Variants in NUMB observed in about 807,000 individuals in gnomAD.
NUMB encodes protein numb homolog.
NUMB carries 29 observed loss-of-function variants against 59.7 expected under a neutral mutation model. That is an observed-to-expected ratio of 0.49 (90% CI 0.36 to 0.66). The LOEUF is 0.66. NUMB is among the 30% of genes least tolerant of loss of function. The pLI is 0.00. For synonymous variants in NUMB, 288 were observed against 288.2 expected (o/e 1.00, Z 0.01); for missense variants, 723 against 822.0 (o/e 0.88, Z 1.47).
At chr14:73,350,262 C>T (rs1045963587) in intron 4 of NUMB, among the ~76,000 whole-genome samples, 2 of 150,986 alleles carry the variant, frequency 1.3e-5, no homozygotes, top group Non-Finnish European at 3.0e-5. Context: ...CAACCTCTGC[C>T]TCCCGGGTTC....
At chr14:73,434,622 C>G (rs1184679391) in intron 1 of NUMB, among the ~76,000 whole-genome samples, 1 of 152,044 alleles carries the variant, frequency 6.6e-6, no homozygotes, top group Non-Finnish European at 1.5e-5. Context: ...TCCCAGCACT[C>G]TGGGAGGATG....
chr14:73,336,255 C>T (rs1254069422), intron 4 of NUMB, among the ~76,000 whole-genome samples: 1 of 152,194 alleles, frequency 6.6e-6, no homozygotes, highest in Non-Finnish European at 1.5e-5. Context: ...TTACAGTTTA[C>T]TGTTATTACA....
At chr14:73,368,107 T>C (rs1020495619) in intron 2 of NUMB, among the ~76,000 whole-genome samples, 1 of 150,746 alleles carries the variant, frequency 6.6e-6, no homozygotes, top group Non-Finnish European at 1.5e-5. Flanking sequence ...CCAAAGAAAA[T>C]ATGTGGCTGG....
intron 1 of NUMB, among the ~76,000 whole-genome samples, chr14:73,413,918 T>A (rs1897008982): frequency 6.6e-6 from 1 of 152,086 alleles, no homozygotes; most frequent in Non-Finnish European, 1.5e-5. Flanking sequence ...CACACCTGAA[T>A]TTTACTGTTT....
chr14:73,436,989 G>GA (rs1898081379), intron 1 of NUMB, among the ~76,000 whole-genome samples: 3 of 127,818 alleles, frequency 2.3e-5, no homozygotes, highest in Admixed American at 7.8e-5. Context: ...AAAAAATAAA[G>GA]AAAAAAAAAG....
chr14:73,451,058 G>T (rs1883901218), intron 1 of NUMB, among the ~76,000 whole-genome samples: 1 of 146,816 alleles, frequency 6.8e-6, no homozygotes, highest in Non-Finnish European at 1.5e-5. Context: ...AGAGGCTGAG[G>T]CAGGAGAATT....
chr14:73,451,860 A>C (rs1884002456), intron 1 of NUMB, among the ~76,000 whole-genome samples: 2 of 152,172 alleles, frequency 1.3e-5, no homozygotes, highest in South Asian at 4.1e-4. Context: ...TTAAACTAGA[A>C]ATGTTCCAAA....
intron 1 of NUMB, among the ~76,000 whole-genome samples, chr14:73,428,455 T>C (rs1897679326): frequency 6.6e-6 from 1 of 152,122 alleles, no homozygotes; most frequent in Admixed American, 6.6e-5. Context: ...ACTCTACCAG[T>C]GAGGTCCACC....
intron 4 of NUMB, among the ~76,000 whole-genome samples, chr14:73,354,940 A>T (rs945019587): frequency 6.6e-6 from 1 of 151,406 alleles, no homozygotes; most frequent in Admixed American, 6.6e-5. Flanking sequence ...GTCTAGTTCT[A>T]TTTTTTTGCC....
Position 73,277,085 on chromosome 14 carries a change from T to A in NUMB, c.1449A>T (p.Gln483His). 1 of 1,614,042 alleles carries A rather than the reference T, an allele frequency of 6.2e-7. No homozygotes were observed. Among genetic ancestry groups the A allele is most frequent in the South Asian group, 1.1e-5 (1 of 91,078 alleles). Residue 483 changes from glutamine to histidine, a missense_variant, in exon 13 of 13, where the codon CAA (glutamine) becomes CAT (histidine). This residue lies in a region of NUMB where 406 missense variants were observed against 385.4 expected (regional missense o/e 1.05). Transcript: ENST00000555238. ...GCTGAGAGGTGAGGAATGCATTCCC[T>A]TGGAAAGGTGATGCTGGCTGGGAGA... ...TAISQPASPF[Q>H]GNAFLTSQPV...
chr14:73,345,779 G>A (rs1360816279), intron 4 of NUMB, among the ~76,000 whole-genome samples: 3 of 151,688 alleles, frequency 2.0e-5, no homozygotes, highest in Admixed American at 2.0e-4. Flanking sequence ...GTGGTGGCAG[G>A]CACCTGTAAT....
intron 1 of NUMB, among the ~76,000 whole-genome samples, chr14:73,447,650 G>T (rs1443484761): frequency 6.8e-6 from 1 of 146,454 alleles, no homozygotes; most frequent in East Asian, 2.0e-4. Context: ...ACAAACCTGC[G>T]CAACATAGAA....
chr14:73,298,432 G>GA (rs1368015876), intron 6 of NUMB: 2 of 152,068 alleles, frequency 1.3e-5, no homozygotes, highest in Non-Finnish European at 2.9e-5. Flanking sequence ...AAAAACTACT[G>GA]AAAAAATAAT....
At chr14:73,310,669 G>C (rs1039258331) in intron 6 of NUMB, among the ~76,000 whole-genome samples, 2 of 152,174 alleles carry the variant, frequency 1.3e-5, no homozygotes, top group Admixed American at 1.3e-4. Context: ...GTAAAATGCA[G>C]TTTCATGAAC....
At chr14:73,306,747 C>T (rs1890456756) in intron 6 of NUMB, among the ~76,000 whole-genome samples, 1 of 152,238 alleles carries the variant, frequency 6.6e-6, no homozygotes, top group African/African-American at 2.4e-5. Flanking sequence ...GTTACTGTCA[C>T]ACAATTTGGT....
rs1026612864 is a variant in NUMB at position 73,415,017 on chromosome 14, G to A, written c.-232-4949C>T. On this transcript the variant is annotated intron_variant, in intron 1 of 12. Coordinates refer to ENST00000555238, the MANE Select transcript of NUMB (RefSeq NM_001005743.2). ...TACAGGTGCGCTACCACGCCCAGCT[G>A]ATAATGATGTTTTAAAAATACACAC... is the stretch of plus-strand genomic sequence containing the variant. 2.0e-5 allele frequency among the ~76,000 whole-genome samples: 3 copies of A among 152,150 alleles called. No individual in the cohort carries two copies. In the South Asian group the frequency reaches 6.2e-4, roughly 32 times the overall value.
At chr14:73,355,590 T>C (rs766953085) in intron 4 of NUMB, 36 bp downstream of exon 4, 31 of 1,577,432 alleles carry the variant, frequency 2.0e-5, no homozygotes, top group Non-Finnish European at 2.7e-5. Flanking sequence ...GTCAGTTCTT[T>C]TCCACATACA....
At chr14:73,351,559 C>T (rs934423945) in intron 4 of NUMB, among the ~76,000 whole-genome samples, 2 of 152,020 alleles carry the variant, frequency 1.3e-5, no homozygotes, top group Non-Finnish European at 1.5e-5. Flanking sequence ...TCTAATACCA[C>T]ATTCTTGCTT....
At chr14:73,324,422 T>C (rs72734501) in intron 4 of NUMB, among the ~76,000 whole-genome samples, 23,919 of 152,026 alleles carry the variant, frequency 0.16, 2,715 homozygotes, top group Non-Finnish European at 0.23. Flanking sequence ...CCTTTTTTTT[T>C]CCCTGCTAAT....
Sources: allele counts gnomAD v4.1 joint callset (sites outside exome capture counted in the v4.1 genomes callset), GRCh38; gene constraint gnomAD v4.1.1; regional missense constraint gnomAD v4.1.1; transcripts MANE v1.5; gene names NCBI Gene and HGNC (gene_info 2026-07-23, HGNC 2026-07-21).